LUZP1: variants seen among roughly 807,000 people sequenced by gnomAD.
LUZP1 encodes the protein leucine zipper protein 1, also known as filamin mechanobinding actin cross-linking protein.
Under a neutral mutation model 71.3 loss-of-function variants are expected in LUZP1, and 25 were observed. The observed-to-expected ratio is 0.35, with a 90% confidence interval of 0.26 to 0.49. LUZP1 has a LOEUF of 0.49. Among genes scored for constraint, LUZP1 ranks in the 20% least tolerant of loss-of-function variants. The pLI is 0.99. For synonymous variants in LUZP1, 481 were observed against 506.4 expected (o/e 0.95, Z 0.67); for missense variants, 1,142 against 1,300.8 (o/e 0.88, Z 1.88).
At chr1:23,089,515 G>A (rs892187244) in intron 4 of LUZP1, among the ~76,000 whole-genome samples, 7 of 152,120 alleles carry the variant, frequency 4.6e-5, no homozygotes, top group African/African-American at 7.2e-5. Context: ...TCACATTCCC[G>A]TCTCTCATCC....
rs181803819 is a variant in LUZP1 at position 23,104,050 on chromosome 1, T to C, written c.-120+4972A>G. 2.1e-3 allele frequency among the ~76,000 whole-genome samples: 325 copies of C among 152,042 alleles called. 4 individuals carry two copies. Among genetic ancestry groups the C allele is most frequent in the African/African-American group, 7.1e-3 (295 of 41,458 alleles). On this transcript the variant is annotated intron_variant, in intron 3 of 4. Transcript: ENST00000302291. Reference sequence around the variant, plus strand: ...AACTGGTAAGGTCTCTGTGGTAGGTTTGAGGCCCCTGAAATGTCACAGTAA... The same window carrying C: ...AACTGGTAAGGTCTCTGTGGTAGGTCTGAGGCCCCTGAAATGTCACAGTAA...
At chr1:23,086,067 AAAC>A (rs1285580948) in exon 5 of LUZP1, 17 of 152,352 alleles carry the variant, frequency 1.1e-4, no homozygotes, top group Non-Finnish European at 2.4e-4. Flanking sequence ...TGGCTTGATT[AAAC>A]AACTATTCAA....
At chr1:23,123,050 T>G (rs1398139196) in intron 2 of LUZP1, among the ~76,000 whole-genome samples, 1 of 152,134 alleles carries the variant, frequency 6.6e-6, no homozygotes, top group Non-Finnish European at 1.5e-5. Flanking sequence ...CAGGCAGGAA[T>G]AGAAGGAGCC....
At chr1:23,116,497 G>A (rs762378631) in intron 2 of LUZP1, among the ~76,000 whole-genome samples, 1 of 151,192 alleles carries the variant, frequency 6.6e-6, no homozygotes, top group Non-Finnish European at 1.5e-5. Flanking sequence ...GGGTGACAGA[G>A]CAAGACCCTG....
chr1:23,090,878 C>T (rs761012456), intron 4 of LUZP1: 8 of 717,634 alleles, frequency 1.1e-5, no homozygotes, highest in African/African-American at 5.2e-5. Flanking sequence ...TGAGGGCCTA[C>T]GGGGAGCTCC....
exon 4 of LUZP1, chr1:23,092,720 G>C (rs999057300): frequency 6.2e-7 from 1 of 1,614,012 alleles, no homozygotes. Flanking sequence ...ATCCATGGGT[G>C]GTGTCACTAA....
At chr1:23,122,406 A>T (rs1644137621) in intron 2 of LUZP1, among the ~76,000 whole-genome samples, 1 of 152,210 alleles carries the variant, frequency 6.6e-6, no homozygotes, top group Non-Finnish European at 1.5e-5. Flanking sequence ...GAGTGAATGC[A>T]TTAGGGCAGT....
At chr1:23,113,639 T>C (rs1644052935) in intron 2 of LUZP1, among the ~76,000 whole-genome samples, 1 of 152,120 alleles carries the variant, frequency 6.6e-6, no homozygotes, top group Admixed American at 6.5e-5. Context: ...CTCAGCACTT[T>C]GGGTGGCCGA....
chr1:23,143,476 G>A (rs561232439), intron 2 of LUZP1, among the ~76,000 whole-genome samples: 13 of 152,260 alleles, frequency 8.5e-5, no homozygotes, highest in Non-Finnish European at 1.9e-4. Flanking sequence ...TTGCTGAAGC[G>A]GCACTGACTA....
chr1:23,091,230 T>A, exon 4 of LUZP1: 2 of 1,612,910 alleles, frequency 1.2e-6, no homozygotes, highest in Non-Finnish European at 1.7e-6. Context: ...AGTGATGGTG[T>A]CTCCTACCCG....
At chr1:23,135,063 C>A (rs1275901709) in intron 2 of LUZP1, among the ~76,000 whole-genome samples, 2 of 152,144 alleles carry the variant, frequency 1.3e-5, no homozygotes, top group African/African-American at 4.8e-5. Flanking sequence ...CAAGAAGAAT[C>A]TGTGTGACAA....
chr1:23,124,679 C>T (rs1479760277), intron 2 of LUZP1, among the ~76,000 whole-genome samples: 2 of 152,116 alleles, frequency 1.3e-5, no homozygotes, highest in South Asian at 4.1e-4. Context: ...GGAAAGACTA[C>T]AAGAACCCTT....
At chr1:23,089,086 A>G (rs771081125) in intron 4 of LUZP1, 33 bp from the exon 4 acceptor site, 1 of 1,607,534 alleles carries the variant, frequency 6.2e-7, no homozygotes, top group East Asian at 2.2e-5. Context: ...TGAGCTGTGG[A>G]GGTCAGTAAA....
chr1:23,144,437 A>C (rs1644327623), intron 2 of LUZP1, among the ~76,000 whole-genome samples: 1 of 152,222 alleles, frequency 6.6e-6, no homozygotes, highest in African/African-American at 2.4e-5. Flanking sequence ...ACACAACAAA[A>C]GAGTGGGATT....
chr1:23,147,390 G>A (rs941197299), intron 2 of LUZP1, among the ~76,000 whole-genome samples: 23 of 149,812 alleles, frequency 1.5e-4, no homozygotes, highest in African/African-American at 4.9e-4. Flanking sequence ...GCAGTGAGCC[G>A]AGATCGCACC....
rs750573450 is a variant in LUZP1, at chr1:23,093,713, T to C, written c.549A>G (p.Leu183=). The change falls in exon 4 of 5, where the codon TTA becomes TTG. Residue 183 remains leucine (L), a synonymous_variant. Coordinates refer to ENST00000302291, the Ensembl canonical transcript of LUZP1. This position sits in a 1 kb window ranked among gnomAD's most constrained non-coding sequence, Gnocchi z 4.2. ...TCAGAGTTAATGATTTCAGCTTTTC[T>C]AACTCTGACGCTAAACTCTGCTCAG... 1.6e-5 allele frequency: 26 copies of C among 1,613,666 alleles called. No individual in the cohort carries two copies. Among genetic ancestry groups the C allele is most frequent in the Non-Finnish European group, 2.2e-5 (26 of 1,180,032 alleles).
At chr1:23,169,303 A>C (rs1569721188) in intron 1 of LUZP1, among the ~76,000 whole-genome samples, 2 of 152,178 alleles carry the variant, frequency 1.3e-5, no homozygotes, top group African/African-American at 4.8e-5. Flanking sequence ...TGATCGTGCC[A>C]CTGCACTCCG....
intron 2 of LUZP1, among the ~76,000 whole-genome samples, chr1:23,136,267 G>A (rs988375389): frequency 2.6e-5 from 4 of 150,986 alleles, no homozygotes; most frequent in Non-Finnish European, 5.9e-5. Context: ...AGCACTTTGG[G>A]AGGCTGAGGC....
rs1229355190 is a variant in LUZP1, at chr1:23,094,952, C to T, written c.-119-572G>A. 6.6e-6 allele frequency among the ~76,000 whole-genome samples: 1 copy of T among 152,156 alleles called. No homozygotes were observed. The highest frequency in any genetic ancestry group is 1.9e-4 in the East Asian group (1 of 5,190). ...ACAATATACTAAAACAATCTCTCTA[C>T]ACCCATTTTCAACATCTCTTCTCCC... On this transcript the variant is annotated intron_variant, in intron 3 of 4. Transcript: ENST00000302291. The surrounding 1 kb of genome is among the most constrained non-coding windows in gnomAD (Gnocchi z 4.7).
Sources: allele counts gnomAD v4.1 joint callset (sites outside exome capture counted in the v4.1 genomes callset), GRCh38; gene constraint gnomAD v4.1.1; non-coding constraint Gnocchi (gnomAD v3.1); transcripts MANE v1.5; gene names NCBI Gene and HGNC (gene_info 2026-07-23, HGNC 2026-07-21).